The following SCAPER variants were observed in gnomAD, a reference collection of about 807,000 sequenced individuals.
The protein encoded by SCAPER is S-phase cyclin A associated protein in the ER, also known as S phase cyclin A-associated protein in the endoplasmic reticulum.
A neutral mutation model predicts 182.2 loss-of-function variants in SCAPER; 98 were observed. The ratio of observed to expected loss-of-function variants is 0.54; its 90% CI spans 0.46 to 0.64. The LOEUF is 0.64. Ranked by LOEUF, SCAPER falls within the 30% of genes least tolerant of loss-of-function variation. SCAPER has a pLI of 0.00. For missense variants in SCAPER, 1,432 were observed against 1,690.0 expected (o/e 0.85, Z 2.68); for synonymous variants, 605 against 564.6 (o/e 1.07, Z -1.01).
intron 24 of SCAPER, among the ~76,000 whole-genome samples, chr15:76,482,087 G>C (rs1304853087): frequency 6.6e-6 from 1 of 151,678 alleles, no homozygotes; most frequent in Non-Finnish European, 1.5e-5. Context: ...TTTTTTTCAG[G>C]TTAGTAGTCA....
intron 5 of SCAPER, among the ~76,000 whole-genome samples, chr15:76,835,847 T>C (rs2068895418): frequency 6.7e-6 from 1 of 149,328 alleles, no homozygotes; most frequent in Non-Finnish European, 1.5e-5. Context: ...ACAAAATCAA[T>C]GTACAAAAAT....
intron 21 of SCAPER, among the ~76,000 whole-genome samples, chr15:76,626,454 C>T (rs1368131378): frequency 9.2e-5 from 14 of 152,182 alleles, no homozygotes; most frequent in African/African-American, 2.7e-4. Flanking sequence ...CGGTGGCTCA[C>T]GCCTGTAATC....
In SCAPER at chr15:76,867,929, T is replaced by A. The variant is rs114280159; in HGVS notation, c.7-5396A>T. Among the ~76,000 whole-genome samples the A allele has an allele frequency of 3.9e-3, 601 of 152,204 alleles. 5 individuals are homozygous for A. The highest frequency in any genetic ancestry group is 0.012 in the African/African-American group (513 of 41,522). ...AGCTATGTCCAGGTCTGGGTTTGCT[T>A]TTTTTTAAGTCTCCTGCATCATCAG... On this transcript the variant is annotated intron_variant, in intron 2 of 31. Coordinates refer to ENST00000563290, the MANE Select transcript of SCAPER (RefSeq NM_020843.4).
intron 24 of SCAPER, among the ~76,000 whole-genome samples, chr15:76,475,317 A>G (rs2050537795): frequency 6.9e-6 from 1 of 144,410 alleles, no homozygotes; most frequent in African/African-American, 2.5e-5. Flanking sequence ...ATATTCTTCT[A>G]TAACACTAGC....
At chr15:76,363,051 C>T (rs2041558913) in intron 29 of SCAPER, among the ~76,000 whole-genome samples, 1 of 152,164 alleles carries the variant, frequency 6.6e-6, no homozygotes. Context: ...CTGTGCCTGC[C>T]ACAGACCAGA....
At chr15:76,448,323 A>G (rs1047180699) in intron 25 of SCAPER, among the ~76,000 whole-genome samples, 2 of 152,230 alleles carry the variant, frequency 1.3e-5, no homozygotes, top group Middle Eastern at 6.8e-3. Context: ...GGAAATGGAG[A>G]ATAATCTAAT....
chr15:76,424,446 C>A (rs1399989704), intron 26 of SCAPER, among the ~76,000 whole-genome samples: 3 of 152,084 alleles, frequency 2.0e-5, no homozygotes, highest in African/African-American at 7.2e-5. Flanking sequence ...GCAACTCCTG[C>A]CTTTTTTTGT....
chr15:76,716,710 A>G (rs2059904813), intron 17 of SCAPER, among the ~76,000 whole-genome samples: 1 of 151,968 alleles, frequency 6.6e-6, no homozygotes, highest in African/African-American at 2.4e-5. Context: ...CAAGCAGAAG[A>G]AAGAACCTTG....
At chr15:76,737,682 A>G (rs113423308) in intron 15 of SCAPER, among the ~76,000 whole-genome samples, 1 of 152,234 alleles carries the variant, frequency 6.6e-6, no homozygotes, top group Non-Finnish European at 1.5e-5. Flanking sequence ...TTCCAAGAGA[A>G]GGTTCTTTCA....
intron 24 of SCAPER, 84 bp downstream of exon 24, chr15:76,504,775 T>C: frequency 9.0e-7 from 1 of 1,111,054 alleles, no homozygotes; most frequent in Non-Finnish European, 1.3e-6. Context: ...CATACAATTT[T>C]CTTGTGGTTC....
chr15:76,870,345 C>T (rs184564338), intron 2 of SCAPER, among the ~76,000 whole-genome samples: 170 of 151,020 alleles, frequency 1.1e-3, no homozygotes, highest in African/African-American at 3.9e-3. Context: ...TCACATGTAC[C>T]CCAAAATTAT....
intron 21 of SCAPER, among the ~76,000 whole-genome samples, chr15:76,629,805 A>AT (rs1310458235): frequency 6.6e-6 from 1 of 152,102 alleles, no homozygotes; most frequent in East Asian, 1.9e-4. Context: ...CTCCCTTTCA[A>AT]TTTTTTGGAA....
At chr15:76,532,300 C>T (rs1025862978) in intron 23 of SCAPER, among the ~76,000 whole-genome samples, 1 of 152,134 alleles carries the variant, frequency 6.6e-6, no homozygotes, top group African/African-American at 2.4e-5. Context: ...AATATTCAAA[C>T]TCCTTTAACA....
At chr15:76,609,006 C>A (rs1033268530) in intron 22 of SCAPER, among the ~76,000 whole-genome samples, 2 of 152,184 alleles carry the variant, frequency 1.3e-5, no homozygotes, top group Non-Finnish European at 2.9e-5. Flanking sequence ...CTTCGGCTCG[C>A]GCACAGTGCG....
At chr15:76,554,298 G>C (rs559868760) in intron 23 of SCAPER, among the ~76,000 whole-genome samples, 1 of 152,250 alleles carries the variant, frequency 6.6e-6, no homozygotes, top group Non-Finnish European at 1.5e-5. Context: ...AACCATTAGA[G>C]AATGAACAAA....
intron 8 of SCAPER, among the ~76,000 whole-genome samples, chr15:76,788,073 C>T (rs2064742676): frequency 6.6e-6 from 1 of 152,024 alleles, no homozygotes; most frequent in Non-Finnish European, 1.5e-5. Context: ...GCAAATAAGC[C>T]CATCATGTTC....
chr15:76,532,644 G>A (rs2043778853), intron 23 of SCAPER, among the ~76,000 whole-genome samples: 3 of 152,192 alleles, frequency 2.0e-5, no homozygotes, highest in South Asian at 4.1e-4. Context: ...AATCTCTATG[G>A]CATTAAGGAT....
chr15:76,533,372 A>G (rs1239342598), intron 23 of SCAPER, among the ~76,000 whole-genome samples: 1 of 152,140 alleles, frequency 6.6e-6, no homozygotes, highest in Non-Finnish European at 1.5e-5. Flanking sequence ...TTCTATGTTT[A>G]GATATGTTTA....
intron 29 of SCAPER, among the ~76,000 whole-genome samples, chr15:76,365,511 G>C (rs1042308963): frequency 6.6e-6 from 1 of 152,140 alleles, no homozygotes; most frequent in South Asian, 2.1e-4. Flanking sequence ...AAAAGTCATG[G>C]GCTCTACAGC....
Sources: gnomAD v4.1 joint callset for allele counts (sites outside exome capture counted in the v4.1 genomes callset) on GRCh38, gnomAD v4.1.1 for gene constraint, MANE v1.5 for transcripts, NCBI Gene and HGNC (gene_info 2026-07-23, HGNC 2026-07-21) for gene names.